Variants in TMC4 observed in about 807,000 individuals in gnomAD.
The protein encoded by TMC4 is voltage-gated chloride channel TMC4.
In TMC4, 70 loss-of-function variants were observed where a neutral mutation model predicts 82.0. That is an observed-to-expected ratio of 0.85 (90% CI 0.70 to 1.04). TMC4 has a LOEUF of 1.04. TMC4 is among the 50% of genes least tolerant of loss of function. The pLI, the probability that TMC4 is intolerant of heterozygous loss-of-function variation, is 0.00. For missense variants in TMC4, 879 were observed against 899.0 expected, an observed-to-expected ratio of 0.98 and a Z score of 0.28; for synonymous variants, 446 against 406.0, an observed-to-expected ratio of 1.10 and a Z score of -1.18.
intron 7 of TMC4, among the ~76,000 whole-genome samples, chr19:54,164,209 G>A (rs1263940304): frequency 1.3e-5 from 2 of 151,502 alleles, no homozygotes; most frequent in East Asian, 3.9e-4. Context: ...TCCTGACATC[G>A]TGATCCGCCC....
rs751113769 is a variant in TMC4, at chr19:54,162,684, C to T, written c.1491G>A (p.Gln497=). ...GGCGGGGCTCTCACTTTCTAGGAAACTGGATGAGCAGCGCGACTGCCAAGA... is the reference window on the plus strand; with the variant it reads ...GGCGGGGCTCTCACTTTCTAGGAAATTGGATGAGCAGCGCGACTGCCAAGA... ...LTVLAVALLI[Q]FPRKLLCGLC... The change falls in exon 10 of 15, where the codon CAG becomes CAA. Residue 497 remains glutamine (Q), a synonymous_variant. Transcript: ENST00000619895. The T allele has an allele frequency of 6.2e-7, 1 of 1,613,824 alleles. No individual in the cohort carries two copies. The highest frequency in any genetic ancestry group is 8.5e-7 in the Non-Finnish European group (1 of 1,179,914).
chr19:54,161,316 A>ATTTT (rs765095573), intron 11 of TMC4, 56 bp from the exon 12 acceptor site: 40 of 1,093,860 alleles, frequency 3.7e-5, no homozygotes, highest in South Asian at 9.2e-5. Flanking sequence ...CTGTGCCTCC[A>ATTTT]TTTTTTTTTT....
chr19:54,163,537 A>G, intron 8 of TMC4, 187 bp downstream of exon 8: 2 of 700,036 alleles, frequency 2.9e-6, no homozygotes, highest in Non-Finnish European at 4.9e-6. Flanking sequence ...CGAACTCCTG[A>G]CCTCAGCCTC....
chr19:54,162,663 G>C lies in TMC4; in HGVS notation c.1502+10C>G. The C allele has an allele frequency of 1.2e-6, 2 of 1,610,098 alleles. No homozygotes were observed. The highest frequency in any genetic ancestry group is 1.7e-6 in the Non-Finnish European group (2 of 1,177,084). On this transcript the variant is annotated intron_variant, in intron 10 of 14. Transcript: ENST00000619895. Reference sequence around the variant, plus strand: ...AGGGGCGGGGCCACAGCAAGGGGCGGGGCTCTCACTTTCTAGGAAACTGGA... The same window carrying C: ...AGGGGCGGGGCCACAGCAAGGGGCGCGGCTCTCACTTTCTAGGAAACTGGA...
chr19:54,169,704 G>C (rs531040445), intron 2 of TMC4, 44 bp from the exon 3 acceptor site: 1 of 1,604,886 alleles, frequency 6.2e-7, no homozygotes, highest in African/African-American at 1.3e-5. Context: ...CGCAGCCCCA[G>C]ACTGGGAACC....
At chr19:54,168,724 C>T (rs558206618) in intron 3 of TMC4, 44 bp from the exon 4 acceptor site, 3 of 1,355,314 alleles carry the variant, frequency 2.2e-6, no homozygotes, top group Non-Finnish European at 9.7e-7. Flanking sequence ...TTCCCGGGAG[C>T]AGGACCAGCC....
rs2075528907 is a variant in TMC4 at position 54,160,896 on chromosome 19, G to A, written c.1955C>T (p.Pro652Leu). Residue 652 changes from proline (P) to leucine (L), a missense_variant, in exon 13 of 15, where the codon CCC (proline) becomes CTC (leucine). Physicochemically the swap from Pro to Leu is moderately conservative, Grantham distance 98 (BLOSUM62 -3). Coordinates refer to ENST00000619895, the MANE Select transcript of TMC4 (RefSeq NM_144686.4). ...GTCTCACCTGGAGATCAGCAGAAGG[G>A]GCACAGCAAAAGCCTGGGTCCCCAG... The part of the protein sequence containing the change: ...FFLGTQAFAV[P>L]LLLISSILMA... The A allele has an allele frequency of 6.2e-6, 10 of 1,614,070 alleles. No individual in the cohort carries two copies. Among genetic ancestry groups the A allele is most frequent in the Non-Finnish European group, 8.5e-6 (10 of 1,180,004 alleles).
chr19:54,160,797 G>A (rs924094564), intron 13 of TMC4, 81 bp downstream of exon 13: 28 of 1,547,176 alleles, frequency 1.8e-5, no homozygotes, highest in South Asian at 6.0e-5. Flanking sequence ...CCACGCCCAA[G>A]CCTCTCCTCT....
chr19:54,167,237 C>T (rs940784810), intron 5 of TMC4, among the ~76,000 whole-genome samples: 5 of 151,818 alleles, frequency 3.3e-5, no homozygotes, highest in South Asian at 2.1e-4. Flanking sequence ...GCACGCTAGC[C>T]GGGTGACAGA....
In TMC4 at chr19:54,163,521, T is replaced by C. The variant is rs1600559436; in HGVS notation, c.1277+203A>G. 7 of 649,644 alleles carry C rather than the reference T, an allele frequency of 1.1e-5. No individual in the cohort carries two copies. The East Asian group carries it at 1.9e-4, about 18-fold the overall frequency. The allele number at this position is 649,644 out of a possible 1,614,324, so 40.2% of individuals were successfully genotyped here. On this transcript the variant is annotated intron_variant, in intron 8 of 14. Transcript: ENST00000619895. ...CGGGGTTTCATCATGTTTGTCAGGC[T>C]GGTCTCGAACTCCTGACCTCAGCCT... is the stretch of plus-strand genomic sequence containing the variant.
intron 9 of TMC4, 52 bp from the exon 10 acceptor site, chr19:54,162,822 G>A: frequency 6.4e-7 from 1 of 1,555,798 alleles, no homozygotes; most frequent in Non-Finnish European, 8.8e-7. Context: ...GGCACCTGGA[G>A]GCCCACGCGT....
At chr19:54,166,207 C>T (rs1207985251) in intron 5 of TMC4, among the ~76,000 whole-genome samples, 3 of 151,432 alleles carry the variant, frequency 2.0e-5, no homozygotes, top group Admixed American at 6.6e-5. Context: ...GGTGAAACCC[C>T]GTCTCTACTA....
At position 54,160,862 on chromosome 19, in the gene TMC4, G is replaced by T. The variant is rs1218397561; in HGVS notation, c.1973+16C>A. On this transcript the variant is annotated intron_variant, in intron 13 of 14. Coordinates refer to ENST00000619895, the MANE Select transcript of TMC4 (RefSeq NM_144686.4). The stretch of plus-strand genomic sequence containing the variant: ...CACGCATTCAAACCCAGACCCAGAA[G>T]TCTGGGCCGTCTCACCTGGAGATCA... 3 of 1,613,460 alleles carry T rather than the reference G, an allele frequency of 1.9e-6. No individual in the cohort carries two copies. Among genetic ancestry groups the T allele is most frequent in the African/African-American group, 2.7e-5 (2 of 74,956 alleles).
chr19:54,163,977 CTTT>C (rs66823569), intron 7 of TMC4, 90 bp from the exon 8 acceptor site: 29,364 of 1,017,108 alleles, frequency 0.029, 193 homozygotes, highest in Non-Finnish European at 0.034. Context: ...TCTTCTTCTT[CTTT>C]TTTTTTTTTT....
chr19:54,168,404 G>A, intron 4 of TMC4, 44 bp downstream of exon 4: 1 of 1,521,104 alleles, frequency 6.6e-7, no homozygotes, highest in Non-Finnish European at 8.8e-7. Flanking sequence ...AAGGCACTGG[G>A]GTCACAGGTG....
intron 5 of TMC4, among the ~76,000 whole-genome samples, chr19:54,167,514 G>T (rs77245710): frequency 6.6e-6 from 1 of 151,438 alleles, no homozygotes; most frequent in Non-Finnish European, 1.5e-5. Flanking sequence ...AGCCAAGATC[G>T]TGCCATTGCA....
In TMC4 at chr19:54,164,415, C is replaced by T; in HGVS notation, c.1113+19G>A. On this transcript the variant is annotated intron_variant, in intron 7 of 14. Transcript: ENST00000619895. ...AGGTTCCAGGACCCCCTGGCTTCCT[C>T]TTCCAAGACCGTCCGCACCTGCAGC... 4 of 1,602,530 alleles carry T rather than the reference C, an allele frequency of 2.5e-6. No individual in the cohort carries two copies. The highest frequency in any genetic ancestry group is 1.1e-5 in the South Asian group (1 of 90,082).
chr19:54,162,282 G>C lies in TMC4; in HGVS notation c.1506C>G (p.Leu502=), dbSNP rs1461016838. Residue 502 remains leucine, a synonymous_variant, in exon 11 of 15, where the codon CTC becomes CTG. Coordinates refer to ENST00000619895, the MANE Select transcript of TMC4 (RefSeq NM_144686.4). ...GCGCCCCAGGACAGAGGCCACAGAG[G>C]AGCCTGAAGGACGGGGCGGGGCCGG... is the stretch of plus-strand genomic sequence containing the variant. ...VALLIQFPRK[L]LCGLCPGALG... is the part of the protein sequence containing the mutation. 1 of 1,565,896 alleles carries C rather than the reference G, an allele frequency of 6.4e-7. No individual in the cohort carries two copies. The highest frequency in any genetic ancestry group is 1.2e-5 in the South Asian group (1 of 86,064).
intron 10 of TMC4, 105 bp from the exon 11 acceptor site, chr19:54,162,390 G>GT (rs1491391118): frequency 3.9e-5 from 2 of 51,428 alleles, no homozygotes; most frequent in Non-Finnish European, 5.1e-5. Flanking sequence ...TATTGGTGGT[G>GT]GGGGGGGGGG....
Sources: allele counts gnomAD v4.1 joint callset (sites outside exome capture counted in the v4.1 genomes callset), GRCh38; gene constraint gnomAD v4.1.1; transcripts MANE v1.5; gene names NCBI Gene and HGNC (gene_info 2026-07-23, HGNC 2026-07-21).